The following ARHGAP17 variants were observed in gnomAD, a reference collection of about 807,000 sequenced individuals.
The protein encoded by ARHGAP17 is rho GTPase-activating protein 17.
In ARHGAP17, 57 loss-of-function variants were observed where a neutral mutation model predicts 99.5. The observed-to-expected ratio is 0.57, with a 90% CI of 0.46 to 0.71. ARHGAP17 has a LOEUF of 0.71. Among genes scored for constraint, ARHGAP17 ranks in the 30% least tolerant of loss-of-function variants. The probability of loss-of-function intolerance (pLI) is 0.00; values close to 1 mark genes in which losing one functional copy is unlikely to be tolerated. For missense variants in ARHGAP17, 1,000 were observed against 1,122.4 expected (o/e 0.89, Z 1.56); for synonymous variants, 417 against 429.6 (o/e 0.97, Z 0.36).
chr16:24,939,741 A>C, intron 16 of ARHGAP17, 144 bp from the exon 17 acceptor site: 1 of 817,068 alleles, frequency 1.2e-6, no homozygotes, highest in Non-Finnish European at 2.0e-6. Context: ...GACCAGACTA[A>C]TGGCCACCCC....
intron 3 of ARHGAP17, among the ~76,000 whole-genome samples, chr16:24,973,690 C>A (rs9929419): frequency 0.032 from 4,912 of 152,294 alleles, 276 homozygotes; most frequent in African/African-American, 0.11. Context: ...CCCCATAAAA[C>A]CCTGTGCATG....
intron 17 of ARHGAP17, among the ~76,000 whole-genome samples, chr16:24,937,268 A>G (rs1414793812): frequency 1.3e-5 from 2 of 151,868 alleles, no homozygotes; most frequent in African/African-American, 4.8e-5. Flanking sequence ...CTGAAAATAC[A>G]AAAATTAGCC....
At chr16:25,006,686 T>C (rs1242905511) in intron 1 of ARHGAP17, among the ~76,000 whole-genome samples, 1 of 152,138 alleles carries the variant, frequency 6.6e-6, no homozygotes, top group Non-Finnish European at 1.5e-5. Flanking sequence ...GCCACTGTAG[T>C]GAGTGGCTGT....
At chr16:24,953,104 G>GT in intron 10 of ARHGAP17, 62 bp from the exon 11 acceptor site, 1 of 1,480,410 alleles carries the variant, frequency 6.8e-7, no homozygotes, top group Non-Finnish European at 9.4e-7. Context: ...CTAAGTGGCA[G>GT]TGTGTTCTGA....
intron 1 of ARHGAP17, among the ~76,000 whole-genome samples, chr16:25,006,425 G>C (rs1361233918): frequency 2.0e-5 from 3 of 147,820 alleles, no homozygotes; most frequent in Non-Finnish European, 4.4e-5. Flanking sequence ...ACTCCAGACT[G>C]AGTGACAGAG....
chr16:24,942,859 G>C (rs940626314), intron 15 of ARHGAP17, among the ~76,000 whole-genome samples: 11 of 151,902 alleles, frequency 7.2e-5, no homozygotes, highest in Non-Finnish European at 1.3e-4. Context: ...AGCAGTTTTT[G>C]CAAGAATCAT....
chr16:25,010,249 T>A (rs1043502762), intron 1 of ARHGAP17, among the ~76,000 whole-genome samples: 19 of 152,070 alleles, frequency 1.2e-4, no homozygotes, highest in African/African-American at 4.3e-4. Flanking sequence ...GTTTTCTGTA[T>A]TTTTTGTAAA....
chr16:24,988,866 A>T (rs1413348870), intron 1 of ARHGAP17, among the ~76,000 whole-genome samples: 1 of 152,198 alleles, frequency 6.6e-6, no homozygotes, highest in African/African-American at 2.4e-5. Flanking sequence ...AGGCATTCCA[A>T]GTGCCTTATT....
intron 1 of ARHGAP17, among the ~76,000 whole-genome samples, chr16:25,007,248 T>C (rs2053531756): frequency 6.6e-6 from 1 of 152,234 alleles, no homozygotes; most frequent in Non-Finnish European, 1.5e-5. Context: ...CTTTAGATTT[T>C]TATTATGAAA....
intron 1 of ARHGAP17, among the ~76,000 whole-genome samples, chr16:24,998,607 A>G (rs2053268522): frequency 6.6e-6 from 1 of 152,196 alleles, no homozygotes; most frequent in Non-Finnish European, 1.5e-5. Flanking sequence ...GCACTCAGGA[A>G]AACGGGACAG....
At chr16:25,010,158 C>T (rs972097326) in intron 1 of ARHGAP17, among the ~76,000 whole-genome samples, 1 of 152,024 alleles carries the variant, frequency 6.6e-6, no homozygotes, top group African/African-American at 2.4e-5. Context: ...TCACTGCAGC[C>T]TCGACTTTCC....
chr16:24,977,279 T>C lies in ARHGAP17; in HGVS notation c.134A>G (p.His45Arg). Residue 45 changes from histidine (H) to arginine (R), a missense_variant, in exon 3 of 20, where the codon CAT (histidine) becomes CGT (arginine). By Grantham distance (29) the His-to-Arg change is conservative (BLOSUM62 0). Coordinates refer to ENST00000289968, the MANE Select transcript of ARHGAP17 (RefSeq NM_001006634.3). ...ACATGCCACCAAGCGCTTATGGGAA[T>C]GGTGGCATATTGACCGCACCGTGTC... is the stretch of plus-strand genomic sequence containing the variant. ...RLDTVRSICH[H>R]SHKRLVACFQ... 6.3e-7 allele frequency: 1 copy of C among 1,597,434 alleles called. No individual in the cohort carries two copies.
At chr16:24,927,848 G>A (rs1184635138) in intron 19 of ARHGAP17, 2 of 319,552 alleles carry the variant, frequency 6.3e-6, no homozygotes, top group African/African-American at 4.3e-5. Flanking sequence ...CTGCTCTCTA[G>A]AGTCACAATT....
intron 1 of ARHGAP17, among the ~76,000 whole-genome samples, chr16:25,005,627 C>A (rs2053484406): frequency 6.6e-6 from 1 of 152,194 alleles, no homozygotes; most frequent in Non-Finnish European, 1.5e-5. Context: ...TCTCAAGAGA[C>A]ATTTGTTGAA....
chr16:25,014,158 C>G (rs1375939225), intron 1 of ARHGAP17, among the ~76,000 whole-genome samples: 1 of 151,784 alleles, frequency 6.6e-6, no homozygotes, highest in South Asian at 2.1e-4. Context: ...TTCATACACT[C>G]AAAAAAAAGA....
chr16:24,983,307 ATT>A (rs1223133396), intron 1 of ARHGAP17, among the ~76,000 whole-genome samples: 2 of 140,818 alleles, frequency 1.4e-5, no homozygotes. Flanking sequence ...ACGCGGCCAG[ATT>A]TTTTTTTTTT....
chr16:25,008,844 C>T (rs2052870), intron 1 of ARHGAP17, among the ~76,000 whole-genome samples: 76,538 of 150,786 alleles, frequency 0.51, 21,064 homozygotes, highest in African/African-American at 0.74. Context: ...GAGTTCATTT[C>T]TTCCCCCCAG....
At chr16:24,945,345 A>AG (rs1218859851) in intron 14 of ARHGAP17, among the ~76,000 whole-genome samples, 1 of 145,970 alleles carries the variant, frequency 6.9e-6, no homozygotes, top group Non-Finnish European at 1.5e-5. Flanking sequence ...AAAGGAAGAA[A>AG]GAAGAAGAAG....
At chr16:24,930,682 A>G (rs769002655) in intron 19 of ARHGAP17, 102 bp downstream of exon 19, 5 of 1,601,404 alleles carry the variant, frequency 3.1e-6, no homozygotes, top group Non-Finnish European at 4.3e-6. Context: ...TTGCGGGTGT[A>G]GTTTGCTGAC....
Sources: gnomAD v4.1 joint callset for allele counts (sites outside exome capture counted in the v4.1 genomes callset) on GRCh38, gnomAD v4.1.1 for gene constraint, MANE v1.5 for transcripts, NCBI Gene and HGNC (gene_info 2026-07-23, HGNC 2026-07-21) for gene names.